Variants in PSAP observed in about 807,000 individuals in gnomAD.
PSAP encodes precursor of saposins.
A neutral mutation model predicts 66.0 loss-of-function variants in PSAP; 25 were observed. The observed-to-expected ratio is 0.38, with a 90% CI of 0.28 to 0.53. The LOEUF (loss-of-function observed/expected upper bound fraction) is 0.53, where lower values mean the gene tolerates loss of function less well. Among genes scored for constraint, PSAP ranks in the 20% least tolerant of loss-of-function variants. The probability of loss-of-function intolerance (pLI) is 0.83; values close to 1 mark genes in which losing one functional copy is unlikely to be tolerated. For missense variants in PSAP, 649 were observed against 668.8 expected (o/e 0.97, Z 0.33); for synonymous variants, 273 against 258.9 (o/e 1.05, Z -0.52).
chr10:71,818,590 G>C (rs752263942), intron 13 of PSAP, 27 bp downstream of exon 13: 3 of 1,584,504 alleles, frequency 1.9e-6, no homozygotes, highest in Non-Finnish European at 2.6e-6. Flanking sequence ...AAGACAGGCT[G>C]GTGACACTGT....
In PSAP at chr10:71,834,414, T is replaced by C. The variant is rs2133052871; in HGVS notation, c.132A>G (p.Ala44=). 1.2e-6 allele frequency: 2 copies of C among 1,614,090 alleles called. No individual in the cohort carries two copies. The highest frequency in any genetic ancestry group is 2.7e-5 in the African/African-American group (2 of 75,078). ...AAACGGTCTGCAGGCAGTGCTTCAC[T>C]GCCCCGCAGTCGGACGCCGTCTTCA... is the stretch of plus-strand genomic sequence containing the variant. ...QNVKTASDCG[A]VKHCLQTVWN... The change falls in exon 2 of 14, where the codon GCA becomes GCG. Residue 44 remains alanine, a synonymous_variant. Coordinates refer to ENST00000394936, the MANE Select transcript of PSAP (RefSeq NM_002778.4).
At chr10:71,837,679 A>G (rs1842652180) in intron 1 of PSAP, among the ~76,000 whole-genome samples, 1 of 152,216 alleles carries the variant, frequency 6.6e-6, no homozygotes, top group Non-Finnish European at 1.5e-5. Flanking sequence ...ACAGACATCT[A>G]AGTAATGGTG....
At chr10:71,821,417 T>G (rs73279711) in intron 8 of PSAP, among the ~76,000 whole-genome samples, 2,667 of 152,252 alleles carry the variant, frequency 0.018, 72 homozygotes, top group African/African-American at 0.06. Flanking sequence ...CTTCACCAAG[T>G]GAGGTGTTTT....
intron 5 of PSAP, among the ~76,000 whole-genome samples, chr10:71,828,360 T>C (rs887658858): frequency 6.6e-6 from 1 of 152,064 alleles, no homozygotes; most frequent in African/African-American, 2.4e-5. Context: ...GGGTTTAGTA[T>C]AAATAAAAAG....
chr10:71,843,929 T>C (rs1227362325), intron 1 of PSAP, among the ~76,000 whole-genome samples: 1 of 152,224 alleles, frequency 6.6e-6, no homozygotes, highest in Non-Finnish European at 1.5e-5. Context: ...GGGAAGGGTA[T>C]ACAGGAACTC....
chr10:71,817,069 C>T lies in PSAP; in HGVS notation c.*372G>A, dbSNP rs1014108425. On this transcript the variant is annotated 3_prime_UTR_variant, in exon 14 of 14. Coordinates refer to ENST00000394936, the MANE Select transcript of PSAP (RefSeq NM_002778.4). ...TCAGAAGCCCAGGCCCACCAGTGCCCAAGCACATGTCAGGGCTCAGAACAA... is the reference window on the plus strand; with the variant it reads ...TCAGAAGCCCAGGCCCACCAGTGCCTAAGCACATGTCAGGGCTCAGAACAA... 11 of 382,696 alleles carry T rather than the reference C, an allele frequency of 2.9e-5. No individual in the cohort carries two copies. Among genetic ancestry groups the T allele is most frequent in the African/African-American group, 2.1e-4 (10 of 48,694 alleles). 23.7% of individuals were successfully genotyped at this position (382,696 alleles called of 1,614,324 possible).
intron 7 of PSAP, chr10:71,822,681 A>C (rs1265269783): frequency 6.4e-6 from 3 of 471,612 alleles, no homozygotes; most frequent in South Asian, 1.6e-5. Flanking sequence ...CTGATGGCCA[A>C]GAGTGAGACA....
intron 4 of PSAP, among the ~76,000 whole-genome samples, chr10:71,829,424 T>A (rs1051959212): frequency 2.0e-5 from 3 of 152,076 alleles, no homozygotes; most frequent in African/African-American, 7.2e-5. Flanking sequence ...GGTTTTCCCA[T>A]GCTGTTTAGT....
chr10:71,821,846 C>T, intron 8 of PSAP, 30 bp downstream of exon 8: 1 of 1,614,094 alleles, frequency 6.2e-7, no homozygotes, highest in South Asian at 1.1e-5. Context: ...TTGCACAGCC[C>T]TGACCAGGAC....
chr10:71,829,678 T>C (rs910686688), intron 4 of PSAP, among the ~76,000 whole-genome samples: 1 of 152,262 alleles, frequency 6.6e-6, no homozygotes, highest in African/African-American at 2.4e-5. Context: ...TTCCTAAATG[T>C]TACCTCTTTC....
At chr10:71,850,859 GACTC>G (rs1842914509) in intron 1 of PSAP, among the ~76,000 whole-genome samples, 1 of 152,212 alleles carries the variant, frequency 6.6e-6, no homozygotes, top group Admixed American at 6.5e-5. Flanking sequence ...CACCCTACAA[GACTC>G]ACCCACCCCC....
chr10:71,837,742 C>T (rs149407123), intron 1 of PSAP, among the ~76,000 whole-genome samples: 67 of 152,362 alleles, frequency 4.4e-4, no homozygotes, highest in Middle Eastern at 6.8e-3. Flanking sequence ...GCTAACGGAG[C>T]CTTCCTCAAA....
chr10:71,822,744 G>A (rs963479830), intron 7 of PSAP: 3 of 402,778 alleles, frequency 7.4e-6, no homozygotes, highest in Admixed American at 2.9e-5. Context: ...AACTAGCTCT[G>A]AGCCTGAGTG....
intron 1 of PSAP, among the ~76,000 whole-genome samples, chr10:71,850,521 T>G (rs1179224181): frequency 6.6e-6 from 1 of 152,116 alleles, no homozygotes; most frequent in Non-Finnish European, 1.5e-5. Flanking sequence ...CCCGAAAATA[T>G]GTAAAACCCA....
chr10:71,822,669 C>G (rs1471824717), intron 7 of PSAP: 1 of 471,716 alleles, frequency 2.1e-6, no homozygotes, highest in South Asian at 1.6e-5. Flanking sequence ...GACCATGACA[C>G]TCTGATGGCC....
rs184318951 is a variant in PSAP at position 71,823,380 on chromosome 10, G to T, written c.778-1373C>A. ...CCAATTCTCTGGATCCAACAGCCAG[G>T]AACAGTCTGCTGGCTGTCTGCAAAT... On this transcript the variant is annotated intron_variant, in intron 7 of 13. Transcript: ENST00000394936. 5.9e-4 allele frequency among the ~76,000 whole-genome samples: 90 copies of T among 152,342 alleles called. No individual in the cohort carries two copies. The Middle Eastern group carries it at 0.031, about 52-fold the overall frequency.
In PSAP at chr10:71,840,141, T is replaced by C. The variant is rs114019038; in HGVS notation, c.41-5636A>G. On this transcript the variant is annotated intron_variant, in intron 1 of 13. Coordinates refer to ENST00000394936, the MANE Select transcript of PSAP (RefSeq NM_002778.4). ...TACAACATATGCTTTTCCTTTTAAA[T>C]ATTTTAGTAACATGCTAAGTACAAT... Among the ~76,000 whole-genome samples the C allele has an allele frequency of 1.4e-3, 215 of 151,990 alleles. 1 individual carries two copies. The highest frequency in any genetic ancestry group is 5.0e-3 in the African/African-American group (208 of 41,428).
At chr10:71,819,233 T>C in intron 11 of PSAP, 122 bp from the exon 12 acceptor site, 1 of 1,073,592 alleles carries the variant, frequency 9.3e-7, no homozygotes. Flanking sequence ...CCCAGCCCAC[T>C]GGGTCCTGGG....
chr10:71,826,715 T>TG (rs1842404250), intron 6 of PSAP, among the ~76,000 whole-genome samples: 2 of 146,764 alleles, frequency 1.4e-5, no homozygotes, highest in African/African-American at 2.5e-5. Flanking sequence ...CACTCCAGCC[T>TG]GGGTGACAGA....
Sources: gnomAD v4.1 joint callset for allele counts (sites outside exome capture counted in the v4.1 genomes callset) on GRCh38, gnomAD v4.1.1 for gene constraint, MANE v1.5 for transcripts, NCBI Gene and HGNC (gene_info 2026-07-23, HGNC 2026-07-21) for gene names.